The following CFDP1 variants were observed in gnomAD, a reference collection of about 807,000 sequenced individuals.
CFDP1 encodes chromatin remodeling protein CFDP1.
A neutral mutation model predicts 40.1 loss-of-function variants in CFDP1; 31 were observed. The observed-to-expected ratio is 0.77, with a 90% confidence interval of 0.58 to 1.04. The LOEUF (loss-of-function observed/expected upper bound fraction) is 1.04, where lower values mean the gene tolerates loss of function less well. Ranked by LOEUF, CFDP1 falls within the 50% of genes least tolerant of loss-of-function variation. The pLI, the probability that CFDP1 is intolerant of heterozygous loss-of-function variation, is 0.00. For missense variants in CFDP1, 423 were observed against 343.4 expected (o/e 1.23, Z -1.83); for synonymous variants, 167 against 120.0 (o/e 1.39, Z -2.56).
At chr16:75,395,374 T>C (rs1001716774) in intron 4 of CFDP1, among the ~76,000 whole-genome samples, 165 bp from the exon 5 acceptor site, 5 of 152,312 alleles carry the variant, frequency 3.3e-5, no homozygotes, top group African/African-American at 1.2e-4. Context: ...TAAAGACATT[T>C]GCCCAGCCGG....
intron 5 of CFDP1, among the ~76,000 whole-genome samples, chr16:75,340,094 A>G (rs2078516247): frequency 6.6e-6 from 1 of 152,232 alleles, no homozygotes; most frequent in Admixed American, 6.5e-5. Context: ...ATAAGCAAGC[A>G]TTTGAGTTTT....
chr16:75,356,572 A>C (rs979593777), intron 5 of CFDP1, among the ~76,000 whole-genome samples: 1 of 152,194 alleles, frequency 6.6e-6, no homozygotes, highest in African/African-American at 2.4e-5. Context: ...TTAGAATGGC[A>C]AATGAGCACT....
chr16:75,370,818 T>C (rs1371351023), intron 5 of CFDP1, among the ~76,000 whole-genome samples: 8 of 152,054 alleles, frequency 5.3e-5, no homozygotes, highest in Non-Finnish European at 1.5e-5. Context: ...GCCAAGATCA[T>C]ACCACTGCAC....
intron 5 of CFDP1, among the ~76,000 whole-genome samples, chr16:75,320,509 T>G (rs2078355421): frequency 6.6e-6 from 1 of 152,208 alleles, no homozygotes. Context: ...TTCTTTGATT[T>G]TTCCCTGTGT....
At chr16:75,377,924 A>G (rs2078816044) in intron 5 of CFDP1, among the ~76,000 whole-genome samples, 1 of 152,252 alleles carries the variant, frequency 6.6e-6, no homozygotes, top group Non-Finnish European at 1.5e-5. Flanking sequence ...CTTCGCTAGC[A>G]GTCACCAGCC....
At chr16:75,347,943 A>G (rs1215391392) in intron 5 of CFDP1, among the ~76,000 whole-genome samples, 1 of 152,226 alleles carries the variant, frequency 6.6e-6, no homozygotes, top group Non-Finnish European at 1.5e-5. Context: ...AGGCAATGTC[A>G]TGAAAAATAA....
At chr16:75,419,431 AG>A (rs1238822845) in intron 1 of CFDP1, among the ~76,000 whole-genome samples, 1 of 152,232 alleles carries the variant, frequency 6.6e-6, no homozygotes, top group Non-Finnish European at 1.5e-5. Context: ...GAAGAACCAC[AG>A]AATTAGAAAG....
At chr16:75,404,241 T>C (rs2079079680) in intron 4 of CFDP1, among the ~76,000 whole-genome samples, 1 of 143,564 alleles carries the variant, frequency 7.0e-6, no homozygotes, top group Middle Eastern at 3.6e-3. Flanking sequence ...GTCATTTTTC[T>C]TTTTTTTTTT....
intron 5 of CFDP1, among the ~76,000 whole-genome samples, chr16:75,315,750 C>G (rs1053856419): frequency 6.6e-6 from 1 of 152,052 alleles, no homozygotes; most frequent in African/African-American, 2.4e-5. Flanking sequence ...CTCTACATAC[C>G]TTTAGCATGT....
intron 5 of CFDP1, among the ~76,000 whole-genome samples, chr16:75,384,785 T>A (rs947048708): frequency 2.2e-5 from 3 of 134,414 alleles, no homozygotes; most frequent in African/African-American, 8.0e-5. Flanking sequence ...GATGTTTATA[T>A]TGAACCTGGA....
chr16:75,371,342 C>CATAA (rs947725429), intron 5 of CFDP1, among the ~76,000 whole-genome samples: 2 of 61,750 alleles, frequency 3.2e-5, no homozygotes, highest in Non-Finnish European at 7.9e-5. Context: ...GATACAATTT[C>CATAA]ATAATTATAT....
chr16:75,317,884 G>A (rs2078334154), intron 5 of CFDP1, among the ~76,000 whole-genome samples: 2 of 152,086 alleles, frequency 1.3e-5, no homozygotes, highest in Non-Finnish European at 2.9e-5. Flanking sequence ...GCTGAGGTGG[G>A]TAGATTACCT....
intron 1 of CFDP1, among the ~76,000 whole-genome samples, chr16:75,416,529 G>A (rs1165702975): frequency 1.3e-5 from 2 of 150,982 alleles, no homozygotes; most frequent in Non-Finnish European, 2.9e-5. Flanking sequence ...GGGAGGCCGA[G>A]GCAGGTGGTT....
intron 1 of CFDP1, among the ~76,000 whole-genome samples, chr16:75,419,702 G>A (rs971967969): frequency 1.3e-5 from 2 of 152,140 alleles, no homozygotes; most frequent in African/African-American, 2.4e-5. Flanking sequence ...ACAGTCTGCC[G>A]TAAAGAAGCT....
intron 6 of CFDP1, among the ~76,000 whole-genome samples, chr16:75,303,400 A>AATGAATGAATGT (rs55834001): frequency 6.8e-6 from 1 of 146,244 alleles, no homozygotes; most frequent in East Asian, 2.0e-4. Flanking sequence ...TAAATAAATA[A>AATGAATGAATGT]ATGTATGTAT....
intron 4 of CFDP1, among the ~76,000 whole-genome samples, chr16:75,399,626 G>C (rs1192064480): frequency 6.6e-6 from 1 of 152,048 alleles, no homozygotes; most frequent in Non-Finnish European, 1.5e-5. Context: ...TGGTCCTCCT[G>C]CCTTGGCCTC....
intron 5 of CFDP1, among the ~76,000 whole-genome samples, chr16:75,312,637 G>C (rs563752394): frequency 2.2e-4 from 34 of 152,250 alleles, no homozygotes; most frequent in African/African-American, 7.2e-4. Context: ...CTGAATTCTA[G>C]TATCTCCAGA....
chr16:75,304,579 A>G (rs2078245081), intron 6 of CFDP1, among the ~76,000 whole-genome samples: 1 of 152,226 alleles, frequency 6.6e-6, no homozygotes, highest in Admixed American at 6.5e-5. Flanking sequence ...CCCAGGCCAT[A>G]ATGACACAGA....
rs118128658 is a variant in CFDP1, at chr16:75,338,563, C to G, written c.651-33381G>C. Among the ~76,000 whole-genome samples, 6 of 152,300 alleles carry G rather than the reference C, an allele frequency of 3.9e-5. No individual in the cohort carries two copies. In the East Asian group the frequency reaches 1.2e-3, roughly 29 times the overall value. On this transcript the variant is annotated intron_variant, in intron 5 of 6. Transcript: ENST00000283882. ...AGAACTTCTGGGTGGCTGTTTCTAC[C>G]TGCGTCTAGTGATGTCACTGCTGTT...
Sources: allele counts gnomAD v4.1 joint callset (sites outside exome capture counted in the v4.1 genomes callset), GRCh38; gene constraint gnomAD v4.1.1; transcripts MANE v1.5; gene names NCBI Gene and HGNC (gene_info 2026-07-23, HGNC 2026-07-21).